The following KCNIP1 variants were observed in gnomAD, a reference collection of about 807,000 sequenced individuals.
KCNIP1 encodes the protein potassium voltage-gated channel interacting protein 1, also known as A-type potassium channel modulatory protein KCNIP1.
In KCNIP1, 18 loss-of-function variants were observed where a neutral mutation model predicts 33.0. That is an observed-to-expected ratio of 0.55 (90% CI 0.38 to 0.81). KCNIP1 has a LOEUF of 0.81. KCNIP1 is among the 30% of genes least tolerant of loss of function. KCNIP1 has a pLI of 0.00. For synonymous variants in KCNIP1, 93 were observed against 98.3 expected (o/e 0.95, Z 0.32); for missense variants, 238 against 271.6 (o/e 0.88, Z 0.87).
chr5:170,497,786 C>T (rs1190348993), intron 1 of KCNIP1, among the ~76,000 whole-genome samples: 8 of 152,254 alleles, frequency 5.3e-5, no homozygotes, highest in Admixed American at 5.2e-4. Context: ...ACCACACACA[C>T]ACTCCTTGCA....
At chr5:170,566,593 CT>C (rs1191583749) in intron 1 of KCNIP1, among the ~76,000 whole-genome samples, 1 of 152,184 alleles carries the variant, frequency 6.6e-6, no homozygotes, top group African/African-American at 2.4e-5. Flanking sequence ...GGAAACAGGT[CT>C]GCAATGATTC....
intron 1 of KCNIP1, chr5:170,639,418 T>G (rs1472538901): frequency 6.6e-6 from 1 of 152,130 alleles, no homozygotes; most frequent in Non-Finnish European, 1.5e-5. Context: ...GGTATTTGAG[T>G]GAAATGGACA....
At chr5:170,464,786 G>A (rs1756575772) in intron 1 of KCNIP1, among the ~76,000 whole-genome samples, 1 of 152,134 alleles carries the variant, frequency 6.6e-6, no homozygotes, top group Non-Finnish European at 1.5e-5. Flanking sequence ...AAGACGCTTG[G>A]GAATCATGGA....
At chr5:170,406,097 T>A (rs1581161472) in intron 1 of KCNIP1, among the ~76,000 whole-genome samples, 1 of 152,254 alleles carries the variant, frequency 6.6e-6, no homozygotes, top group South Asian at 2.1e-4. Context: ...AGCTAACTGA[T>A]AATTGCATTT....
intron 1 of KCNIP1, among the ~76,000 whole-genome samples, chr5:170,603,118 A>T (rs1450414803): frequency 6.8e-6 from 1 of 147,098 alleles, no homozygotes; most frequent in Non-Finnish European, 1.5e-5. Context: ...CACCCACCCC[A>T]AACCTGCTTT....
At chr5:170,666,604 A>G (rs1313819605) in intron 1 of KCNIP1, among the ~76,000 whole-genome samples, 1 of 152,250 alleles carries the variant, frequency 6.6e-6, no homozygotes, top group Non-Finnish European at 1.5e-5. Context: ...AAATAATCCA[A>G]GCAGCAAAGA....
intron 1 of KCNIP1, among the ~76,000 whole-genome samples, chr5:170,715,078 C>T (rs1763600540): frequency 6.6e-6 from 1 of 152,118 alleles, no homozygotes; most frequent in Non-Finnish European, 1.5e-5. Context: ...TTATTTTTTA[C>T]ACCTTAGTTT....
intron 1 of KCNIP1, among the ~76,000 whole-genome samples, chr5:170,631,844 G>A (rs968531463): frequency 2.0e-5 from 3 of 152,182 alleles, no homozygotes; most frequent in African/African-American, 4.8e-5. Context: ...AAAGAGTAGC[G>A]CCGACAACAG....
intron 1 of KCNIP1, among the ~76,000 whole-genome samples, chr5:170,711,838 AAAACACTCCAATGGATG>A (rs1273959457): frequency 3.5e-5 from 4 of 114,690 alleles, no homozygotes; most frequent in African/African-American, 1.7e-4. Flanking sequence ...GAAATGAGTG[AAAACACTCCAATGGATG>A]CCCACCTATA....
At chr5:170,353,930 C>A (rs765307876) in exon 1 of KCNIP1, 2 of 1,614,096 alleles carry the variant, frequency 1.2e-6, no homozygotes, top group East Asian at 4.5e-5. Context: ...TTGCCCAGAC[C>A]ATCTTTAAGC....
chr5:170,718,943 C>T, intron 2 of KCNIP1, 61 bp downstream of exon 2: 1 of 1,570,612 alleles, frequency 6.4e-7, no homozygotes, highest in South Asian at 1.2e-5. Context: ...TACACTCTCC[C>T]CAATGCCAAG....
intron 1 of KCNIP1, among the ~76,000 whole-genome samples, chr5:170,432,762 C>A (rs1339334580): frequency 6.6e-6 from 1 of 152,180 alleles, no homozygotes; most frequent in South Asian, 2.1e-4. Context: ...GTTATTATAT[C>A]CTCGCTACAA....
intron 1 of KCNIP1, among the ~76,000 whole-genome samples, chr5:170,716,145 G>T (rs1253124241): frequency 3.3e-5 from 5 of 152,220 alleles, no homozygotes; most frequent in African/African-American, 1.2e-4. Context: ...CTCCTGTGAG[G>T]TTGCCACAGC....
intron 5 of KCNIP1, among the ~76,000 whole-genome samples, chr5:170,730,725 A>G (rs1163915910): frequency 6.6e-6 from 1 of 152,216 alleles, no homozygotes; most frequent in African/African-American, 2.4e-5. Context: ...TCTAAATACC[A>G]TTCTTCGATA....
In KCNIP1 at chr5:170,511,477, A is replaced by G. The variant is rs554026084; in HGVS notation, c.61+6844A>G. Among the ~76,000 whole-genome samples the G allele has an allele frequency of 5.9e-5, 9 of 152,328 alleles. No individual in the cohort carries two copies. In the East Asian group the frequency reaches 1.5e-3, roughly 26 times the overall value. Reference sequence around the variant, plus strand: ...TCTGAGATCCCGAGCCACCATATCCATGGTCACTGGCATTCTAAGCAGTTT... The same window carrying G: ...TCTGAGATCCCGAGCCACCATATCCGTGGTCACTGGCATTCTAAGCAGTTT... On this transcript the variant is annotated intron_variant, in intron 1 of 7. Transcript: ENST00000328939.
intron 1 of KCNIP1, among the ~76,000 whole-genome samples, chr5:170,479,615 C>T (rs1756929987): frequency 6.6e-6 from 1 of 152,000 alleles, no homozygotes; most frequent in Admixed American, 6.5e-5. Context: ...TGACATACCC[C>T]AAGGAAAAAT....
At chr5:170,386,360 C>A (rs1438013462) in intron 1 of KCNIP1, among the ~76,000 whole-genome samples, 1 of 152,158 alleles carries the variant, frequency 6.6e-6, no homozygotes, top group Non-Finnish European at 1.5e-5. Context: ...ATGGCTCATC[C>A]CCCACGGCCA....
At chr5:170,686,888 C>T (rs1036948240) in intron 1 of KCNIP1, among the ~76,000 whole-genome samples, 6 of 152,240 alleles carry the variant, frequency 3.9e-5, no homozygotes, top group South Asian at 2.1e-4. Context: ...AAGTCAGAGC[C>T]GTCTGCAGAT....
chr5:170,378,946 T>G, intron 1 of KCNIP1: 1 of 1,614,106 alleles, frequency 6.2e-7, no homozygotes. Context: ...GTCTGGTAAT[T>G]GTCCACGCTG....
Sources: gnomAD v4.1 joint callset for allele counts (sites outside exome capture counted in the v4.1 genomes callset) on GRCh38, gnomAD v4.1.1 for gene constraint, MANE v1.5 for transcripts, NCBI Gene and HGNC (gene_info 2026-07-23, HGNC 2026-07-21) for gene names.